LINC00632: variants seen among roughly 807,000 people sequenced by gnomAD.
LINC00632 encodes the protein ALDOA related specific transcript.
chrX:140,753,322 C>A (rs748880416), intron 3 of LINC00632, among the ~76,000 whole-genome samples: 2 of 111,978 alleles, frequency 1.8e-5, no homozygotes, highest in South Asian at 3.8e-4. Flanking sequence ...GACATTGGAC[C>A]AAATATCTAT....
intron 2 of LINC00632, chrX:140,711,973 T>A (rs1602729168): frequency 9.0e-6 from 1 of 111,365 alleles, no homozygotes; most frequent in African/African-American, 3.3e-5. Flanking sequence ...TAGGATTTAA[T>A]TTTTTTTCCC....
At chrX:140,718,325 T>A (rs758420227) in intron 2 of LINC00632, among the ~76,000 whole-genome samples, 6 of 109,461 alleles carry the variant, frequency 5.5e-5, no homozygotes, top group Non-Finnish European at 1.1e-4. Flanking sequence ...GCATAGAATA[T>A]CCCTCATAAA....
exon 5 of LINC00632, chrX:140,783,127 C>T (rs1931958135): frequency 7.9e-6 from 1 of 126,305 alleles, no homozygotes; most frequent in Admixed American, 8.1e-5. Flanking sequence ...AAATCCAAGG[C>T]TTGCAATGTC....
At position 140,716,780 on chromosome X, in the gene LINC00632, TACACAC is replaced by T. The variant is rs200811174; in HGVS notation, n.104+5154_104+5159del. Among the ~76,000 whole-genome samples the T allele has an allele frequency of 7.9e-3, 705 of 89,767 alleles. 4 individuals carry two copies. Among genetic ancestry groups the T allele is most frequent in the African/African-American group, 0.027 (656 of 24,685 alleles). The allele number at this position is 89,767 out of a possible 115,157, so 78.0% of individuals were successfully genotyped here. On this transcript the variant is annotated intron_variant and non_coding_transcript_variant, in intron 2 of 4. Coordinates refer to ENST00000648200, the Ensembl canonical transcript of LINC00632. ...CCCCACAAGGCACAGGCCCACAACATACACACACACACACACACACACACACACACA... is the reference window on the plus strand; with the variant it reads ...CCCCACAAGGCACAGGCCCACAACATACACACACACACACACACACACACA...
At chrX:140,744,230 A>C (rs1263314981) in intron 3 of LINC00632, among the ~76,000 whole-genome samples, 1 of 110,797 alleles carries the variant, frequency 9.0e-6, no homozygotes, top group Non-Finnish European at 1.9e-5. Flanking sequence ...GCTGCTTCAC[A>C]ACTTGGCTTG....
intron 3 of LINC00632, among the ~76,000 whole-genome samples, chrX:140,749,871 T>C (rs1467629745): frequency 9.1e-6 from 1 of 109,790 alleles, no homozygotes; most frequent in Non-Finnish European, 1.9e-5. Context: ...TTGAAAAGTT[T>C]TTTGTAGAGA....
chrX:140,744,567 T>TTTG (rs1556024293), intron 3 of LINC00632, among the ~76,000 whole-genome samples: 7 of 18,209 alleles, frequency 3.8e-4, no homozygotes, highest in African/African-American at 1.3e-3. Context: ...AGCTTTTTTT[T>TTTG]GGGGGGGGGG....
chrX:140,726,163 C>T (rs1471182891), intron 2 of LINC00632, among the ~76,000 whole-genome samples: 1 of 111,189 alleles, frequency 9.0e-6, no homozygotes, highest in Non-Finnish European at 1.9e-5. Flanking sequence ...ACTCGCTTCA[C>T]TACTTTCAGA....
intron 2 of LINC00632, among the ~76,000 whole-genome samples, chrX:140,730,761 TAG>T (rs1050788514): frequency 1.8e-5 from 2 of 111,806 alleles, no homozygotes; most frequent in African/African-American, 6.5e-5. Flanking sequence ...ATGCTCACTC[TAG>T]AACATTCAGA....
exon 5 of LINC00632, among the ~76,000 whole-genome samples, chrX:140,788,813 TC>T (rs1932060155): frequency 1.0e-5 from 1 of 96,038 alleles, no homozygotes; most frequent in African/African-American, 4.7e-5. Flanking sequence ...CATATATGTA[TC>T]TATATTCCAT....
At chrX:140,759,513 T>C (rs1377672043) in intron 3 of LINC00632, among the ~76,000 whole-genome samples, 1 of 108,989 alleles carries the variant, frequency 9.2e-6, no homozygotes, top group Non-Finnish European at 1.9e-5. Context: ...CGCAGCACCA[T>C]GCCTAGCTAA....
At chrX:140,710,903 G>T (rs1247320599) in intron 1 of LINC00632, among the ~76,000 whole-genome samples, 1 of 111,096 alleles carries the variant, frequency 9.0e-6, no homozygotes, top group African/African-American at 3.3e-5. Flanking sequence ...GCAAAGGGAG[G>T]GGGTGTTGAA....
intron 3 of LINC00632, among the ~76,000 whole-genome samples, chrX:140,767,398 TTAA>T (rs1460867174): frequency 2.7e-5 from 3 of 112,166 alleles, no homozygotes; most frequent in African/African-American, 9.7e-5. Flanking sequence ...TCCATTTTTG[TTAA>T]TAATATTTGA....
chrX:140,772,706 A>G (rs1034487821), exon 4 of LINC00632: 1 of 139,029 alleles, frequency 7.2e-6, no homozygotes, highest in Non-Finnish European at 1.4e-5. Context: ...TCGGGGGCAC[A>G]CAAGAATCAC....
intron 3 of LINC00632, among the ~76,000 whole-genome samples, chrX:140,734,126 TTC>T (rs752511884): frequency 8.9e-6 from 1 of 112,044 alleles, no homozygotes; most frequent in African/African-American, 3.2e-5. Flanking sequence ...AAAGAAATCT[TTC>T]TCTCTAACTT....
rs1602733105 is a variant in LINC00632, at chrX:140,720,844, C to T, written n.104+9188C>T. On this transcript the variant is annotated intron_variant and non_coding_transcript_variant, in intron 2 of 4. Transcript: ENST00000648200. Reference sequence around the variant, plus strand: ...ACACCAACGCTTAGCTGAGAGCACGCAGAAGTGCTGAGCAAAACATGCGTA... The same window carrying T: ...ACACCAACGCTTAGCTGAGAGCACGTAGAAGTGCTGAGCAAAACATGCGTA... 1.8e-5 allele frequency among the ~76,000 whole-genome samples: 2 copies of T among 111,704 alleles called. 1 individual carries two copies. The highest frequency in any genetic ancestry group is 7.5e-4 in the South Asian group (2 of 2,659).
intron 2 of LINC00632, among the ~76,000 whole-genome samples, chrX:140,727,236 T>C (rs1434316977): frequency 9.0e-6 from 1 of 111,587 alleles, no homozygotes; most frequent in Non-Finnish European, 1.9e-5. Flanking sequence ...TACTATGTCA[T>C]ACATGCTCCA....
At chrX:140,736,469 G>A (rs1369739572) in intron 3 of LINC00632, among the ~76,000 whole-genome samples, 5 of 79,924 alleles carry the variant, frequency 6.3e-5, no homozygotes. Context: ...ACAGAGACTC[G>A]TTCTGTTGCC....
intron 2 of LINC00632, among the ~76,000 whole-genome samples, chrX:140,715,406 AACATGGTGAAACCCCGTCTCT>A (rs1301850929): frequency 2.7e-5 from 3 of 110,821 alleles, no homozygotes; most frequent in African/African-American, 9.9e-5. Flanking sequence ...CAGCCTGTCC[AACATGGTGAAACCCCGTCTCT>A]ACTAAAAATA....
Sources: allele counts gnomAD v4.1 joint callset (sites outside exome capture counted in the v4.1 genomes callset), GRCh38; gene constraint gnomAD v4.1.1; transcripts MANE v1.5; gene names NCBI Gene and HGNC (gene_info 2026-07-23, HGNC 2026-07-21).